Variants in SRI observed in about 807,000 individuals in gnomAD.
The protein encoded by SRI is 22 kDa protein.
Under a neutral mutation model 33.3 loss-of-function variants are expected in SRI, and 30 were observed. The observed-to-expected ratio is 0.90, with a 90% CI of 0.67 to 1.22. The LOEUF is 1.22. Among genes scored for constraint, SRI ranks in the 50% most tolerant of loss-of-function variants. The pLI is 0.00. For missense variants in SRI, 243 were observed against 250.8 expected (o/e 0.97, Z 0.21); for synonymous variants, 75 against 89.9 (o/e 0.83, Z 0.94).
intron 3 of SRI, among the ~76,000 whole-genome samples, chr7:88,212,718 G>A (rs1851608769): frequency 6.6e-6 from 1 of 152,142 alleles, no homozygotes; most frequent in South Asian, 2.1e-4. Context: ...CAGATGTGCA[G>A]GTGATAGATA....
chr7:88,226,882 A>C, intron 1 of SRI: 1 of 1,610,250 alleles, frequency 6.2e-7, no homozygotes, highest in Non-Finnish European at 8.5e-7. Flanking sequence ...GGAATAGTCT[A>C]ATATTATATA....
rs139614406 is a variant in SRI, at chr7:88,206,660, C to CT, written c.571-157dup. Among the ~76,000 whole-genome samples the CT allele has an allele frequency of 2.9e-3, 435 of 152,236 alleles. 2 individuals carry two copies. The highest frequency in any genetic ancestry group is 0.01 in the African/African-American group (421 of 41,544). On this transcript the variant is annotated intron_variant, in intron 7 of 7. Transcript: ENST00000265729. ...AGTAAATGATAGATGGAAAAGTTTC[C>CT]TTTTTTTAGGGAAGCAGTCTAATAT...
At chr7:88,219,540 TTTTGTTTGTTTG>T (rs373452972) in intron 1 of SRI, 22 of 174,720 alleles carry the variant, frequency 1.3e-4, no homozygotes, top group East Asian at 8.1e-4. Flanking sequence ...CTCACTCGTT[TTTTGTTTGTTTG>T]TTTGTTTGTT....
chr7:88,221,778 G>T (rs1055400998), upstream of SRI, among the ~76,000 whole-genome samples: 1 of 151,174 alleles, frequency 6.6e-6, no homozygotes, highest in African/African-American at 2.4e-5. Context: ...ATGCTGGTGC[G>T]CTGCACCCAC....
At chr7:88,220,087 C>A (rs1010082512), upstream of SRI, 13 of 1,459,156 alleles carry the variant, frequency 8.9e-6, no homozygotes, top group Admixed American at 1.0e-4. Flanking sequence ...CCCCCTGCCC[C>A]GCCCCGCCCT....
At chr7:88,210,368 G>A (rs575436617) in intron 4 of SRI, 6 of 540,082 alleles carry the variant, frequency 1.1e-5, no homozygotes, top group Admixed American at 6.2e-5. Flanking sequence ...AGGAAATAGC[G>A]TTGCCATTGT....
intron 3 of SRI, among the ~76,000 whole-genome samples, chr7:88,212,364 T>C (rs955508038): frequency 6.6e-6 from 1 of 152,214 alleles, no homozygotes; most frequent in Admixed American, 6.5e-5. Context: ...AAAGAGCTGG[T>C]AGATTCTTCA....
At chr7:88,223,025 C>G (rs1851924003), upstream of SRI, among the ~76,000 whole-genome samples, 1 of 152,028 alleles carries the variant, frequency 6.6e-6, no homozygotes, top group Non-Finnish European at 1.5e-5. Flanking sequence ...TAAAGAGCTT[C>G]TGCACAGCAA....
Position 88,210,938 on chromosome 7 carries a change from G to T in SRI, c.206-13C>A. 1 of 1,611,866 alleles carries T rather than the reference G, an allele frequency of 6.2e-7. No homozygotes were observed. The highest frequency in any genetic ancestry group is 8.5e-7 in the Non-Finnish European group (1 of 1,178,336). On this transcript the variant is annotated splice_polypyrimidine_tract_variant and intron_variant, in intron 3 of 7. Coordinates refer to ENST00000265729, the MANE Select transcript of SRI (RefSeq NM_003130.4). Reference sequence around the variant, plus strand: ...TCCAGGTTAAAAGCTGTTAAATCAAGAAAAGTACATACATATTAACACAAA... The same window carrying T: ...TCCAGGTTAAAAGCTGTTAAATCAATAAAAGTACATACATATTAACACAAA...
chr7:88,211,516 C>T (rs1381633920), intron 3 of SRI, among the ~76,000 whole-genome samples: 1 of 151,922 alleles, frequency 6.6e-6, no homozygotes, highest in South Asian at 2.1e-4. Context: ...TGTAATATAG[C>T]GAGTTCAAGT....
intron 5 of SRI, 39 bp downstream of exon 5, chr7:88,209,944 T>G (rs767428542): frequency 6.2e-7 from 1 of 1,613,762 alleles, no homozygotes; most frequent in South Asian, 1.1e-5. Flanking sequence ...TCAACTTACT[T>G]CTACCAATGA....
At chr7:88,209,064 C>G (rs1851503245) in intron 6 of SRI, 1 of 297,442 alleles carries the variant, frequency 3.4e-6, no homozygotes, top group South Asian at 5.4e-5. Flanking sequence ...TCATTATTAT[C>G]TGATCAAAAA....
intron 6 of SRI, 88 bp from the exon 7 acceptor site, chr7:88,208,653 C>T: frequency 1.9e-6 from 3 of 1,550,908 alleles, no homozygotes; most frequent in Non-Finnish European, 2.6e-6. Flanking sequence ...ATTGAATTCA[C>T]ATTGCAGTAA....
chr7:88,217,174 A>C lies in SRI; in HGVS notation c.153T>G (p.Ala51=). 1 of 1,612,866 alleles carries C rather than the reference A, an allele frequency of 6.2e-7. No homozygotes were observed. Among genetic ancestry groups the C allele is most frequent in the Non-Finnish European group, 8.5e-7 (1 of 1,180,000 alleles). ...AVAGQDGQID[A]DELQRCLTQS... is the part of the protein sequence containing the mutation. ...GTGTCAGACATCTCTGCAATTCATC[A>C]GCATCTATCTGCCCATCCTTTTGAA... Residue 51 remains alanine (A), a synonymous_variant, in exon 3 of 8, where the codon GCT becomes GCG. Transcript: ENST00000265729.
At chr7:88,222,219 G>A (rs532705727), upstream of SRI, among the ~76,000 whole-genome samples, 19 of 151,118 alleles carry the variant, frequency 1.3e-4, no homozygotes, top group Non-Finnish European at 2.5e-4. Flanking sequence ...TGGGATGGCG[G>A]GTCAAATGGT....
Position 88,206,110 on chromosome 7 carries a change from G to A in SRI, c.*368C>T, listed in dbSNP as rs1390970137. On this transcript the variant is annotated 3_prime_UTR_variant, in exon 8 of 8. Transcript: ENST00000265729. ...TTTTATGTGTGGAGTATTCTTTGTA[G>A]GAGAGGAAAGATAACAGCTGTAGTC... 1.6e-5 allele frequency: 4 copies of A among 249,260 alleles called. No homozygotes were observed. The highest frequency in any genetic ancestry group is 1.1e-4 in the South Asian group (2 of 18,336). 15.4% of individuals were successfully genotyped at this position (249,260 alleles called of 1,614,324 possible).
At chr7:88,219,562 T>G in intron 1 of SRI, 4 of 197,676 alleles carry the variant, frequency 2.0e-5, no homozygotes, top group East Asian at 1.3e-4. Context: ...GTTTGTTTGT[T>G]TGTTTGTTTG....
At chr7:88,226,477 A>G (rs1851999146) in intron 1 of SRI, among the ~76,000 whole-genome samples, 1 of 152,172 alleles carries the variant, frequency 6.6e-6, no homozygotes, top group Non-Finnish European at 1.5e-5. Context: ...TACAATCTCC[A>G]TCTGTTCAAT....
rs182115870 is a variant in SRI, at chr7:88,214,994, T to C, written c.205+2128A>G. 1.5e-5 allele frequency: 7 copies of C among 474,474 alleles called. No homozygotes were observed. In the East Asian group the frequency reaches 4.9e-4, roughly 33 times the overall value. 29.4% of individuals were successfully genotyped at this position (474,474 alleles called of 1,614,324 possible). ...CAATCTTACTGACTGGAACACAACT[T>C]CTCTCACCAACTCCACCTCTAGGTA... On this transcript the variant is annotated intron_variant, in intron 3 of 7. Coordinates refer to ENST00000265729, the MANE Select transcript of SRI (RefSeq NM_003130.4).
Sources: gnomAD v4.1 joint callset for allele counts (sites outside exome capture counted in the v4.1 genomes callset) on GRCh38, gnomAD v4.1.1 for gene constraint, MANE v1.5 for transcripts, NCBI Gene and HGNC (gene_info 2026-07-23, HGNC 2026-07-21) for gene names.